Variants in GCKR observed in about 807,000 individuals in gnomAD.
GCKR encodes glucokinase regulator.
GCKR carries 73 observed loss-of-function variants against 82.9 expected under a neutral mutation model. That is an observed-to-expected ratio of 0.88 (90% CI 0.73 to 1.07). The LOEUF (loss-of-function observed/expected upper bound fraction) is 1.07, where lower values mean the gene tolerates loss of function less well. Ranked by LOEUF, GCKR falls within the 50% of genes least tolerant of loss-of-function variation. The pLI, the probability that GCKR is intolerant of heterozygous loss-of-function variation, is 0.00. For synonymous variants in GCKR, 294 were observed against 291.8 expected, an observed-to-expected ratio of 1.01 and a Z score of -0.08; for missense variants, 784 against 782.1, an observed-to-expected ratio of 1.00 and a Z score of -0.03.
At position 27,522,610 on chromosome 2, in the gene GCKR, C is replaced by T. The variant is rs756972723; in HGVS notation, c.1707+16C>T. On this transcript the variant is annotated intron_variant, in intron 18 of 18. Transcript: ENST00000264717. ...GAAGGAACAGGTATCCTGCCCACTG[C>T]TGGTCATTCAACAAATACTTTTTGA... 13 of 1,605,774 alleles carry T rather than the reference C, an allele frequency of 8.1e-6. No individual in the cohort carries two copies. The highest frequency in any genetic ancestry group is 2.2e-5 in the East Asian group (1 of 44,846).
Position 27,508,237 on chromosome 2 carries a change from G to A in GCKR, c.1408G>A (p.Gly470Arg), listed in dbSNP as rs1006259374. ...TWPLLFFEYE[G>R]NFIQKFQREL... ...GCCACTGCTTTTCTTTGAATATGAA[G>A]GGAACTTCATCCAGGTATGGGGAAT... The change falls in exon 16 of 19, where the codon GGG becomes AGG. Residue 470 changes from glycine to arginine, a missense_variant. Gly to Arg is a moderately radical substitution (Grantham distance 125). Coordinates refer to ENST00000264717, the MANE Select transcript of GCKR (RefSeq NM_001486.4). The A allele has an allele frequency of 5.6e-6, 9 of 1,603,662 alleles. No homozygotes were observed. Among genetic ancestry groups the A allele is most frequent in the Middle Eastern group, 3.3e-4 (2 of 6,048 alleles).
In GCKR at chr2:27,511,617, G is replaced by A. The variant is rs186038184; in HGVS notation, c.1422+3366G>A. ...GGGAGGCTGAGGCAGGAGAAGCCGAGGTTGCAGTAAGCTGAGAACGCACCA... is the reference window on the plus strand; with the variant it reads ...GGGAGGCTGAGGCAGGAGAAGCCGAAGTTGCAGTAAGCTGAGAACGCACCA... On this transcript the variant is annotated intron_variant, in intron 16 of 18. Coordinates refer to ENST00000264717, the MANE Select transcript of GCKR (RefSeq NM_001486.4). Among the ~76,000 whole-genome samples, 235 of 151,772 alleles carry A rather than the reference G, an allele frequency of 1.5e-3. 2 individuals carry two copies. In the South Asian group the frequency reaches 0.019, roughly 12 times the overall value.
Position 27,507,217 on chromosome 2 carries a change from T to G in GCKR, c.1067-18T>G. On this transcript the variant is annotated intron_variant, in intron 12 of 18. Transcript: ENST00000264717. Reference sequence around the variant, plus strand: ...ATATAGCCAATCACTCCTCTCTCCTTGTTCTTAAACTTCCCAGATTTCCGA... The same window carrying G: ...ATATAGCCAATCACTCCTCTCTCCTGGTTCTTAAACTTCCCAGATTTCCGA... The G allele has an allele frequency of 6.4e-7, 1 of 1,566,502 alleles. No homozygotes were observed. Among genetic ancestry groups the G allele is most frequent in the Non-Finnish European group, 8.8e-7 (1 of 1,136,594 alleles).
At chr2:27,508,719 G>T (rs1333748602) in intron 16 of GCKR, among the ~76,000 whole-genome samples, 1 of 152,000 alleles carries the variant, frequency 6.6e-6, no homozygotes, top group Non-Finnish European at 1.5e-5. Flanking sequence ...CCTCATGTTG[G>T]CCAGGCTGGT....
In GCKR at chr2:27,518,852, T is replaced by A; in HGVS notation, c.1487T>A (p.Leu496His). The change falls in exon 17 of 19, where the codon CTT becomes CAT. Residue 496 changes from leucine (L) to histidine (H), a missense_variant. Transcript: ENST00000264717. ...LNTVSTGAHV[L>H]LGKILQNHML... Reference sequence around the variant, plus strand: ...ACAGTGAGTACAGGTGCTCATGTGCTTCTTGGTAAGATCCTACAAAACCAC... The same window carrying A: ...ACAGTGAGTACAGGTGCTCATGTGCATCTTGGTAAGATCCTACAAAACCAC... 1.2e-6 allele frequency: 2 copies of A among 1,613,606 alleles called. No individual in the cohort carries two copies. The highest frequency in any genetic ancestry group is 1.7e-6 in the Non-Finnish European group (2 of 1,179,486).
chr2:27,501,910 G>T (rs1392023448), intron 8 of GCKR: 1 of 349,036 alleles, frequency 2.9e-6, no homozygotes, highest in Non-Finnish European at 5.8e-6. Context: ...AGTTCCTTGT[G>T]TAAGAGGTCT....
intron 16 of GCKR, among the ~76,000 whole-genome samples, chr2:27,509,200 T>C (rs1225799562): frequency 1.3e-5 from 2 of 152,162 alleles, no homozygotes; most frequent in African/African-American, 4.8e-5. Context: ...TCTTATTCGT[T>C]ATTCAAACCA....
chr2:27,515,104 A>G (rs1224860279), intron 16 of GCKR, among the ~76,000 whole-genome samples: 2 of 151,998 alleles, frequency 1.3e-5, no homozygotes, highest in African/African-American at 2.4e-5. Context: ...CAGCCTCCCA[A>G]GTAGCTGGGA....
At chr2:27,506,668 A>G in intron 11 of GCKR, 89 bp downstream of exon 11, 1 of 1,115,266 alleles carries the variant, frequency 9.0e-7, no homozygotes, top group Non-Finnish European at 1.4e-6. Context: ...TTAACACGGT[A>G]TGGGCGATAG....
intron 8 of GCKR, among the ~76,000 whole-genome samples, chr2:27,503,021 T>C (rs1174734297): frequency 6.6e-6 from 1 of 152,268 alleles, no homozygotes. Context: ...TGTGAGGTGC[T>C]ACCTTGAAGC....
intron 18 of GCKR, 46 bp from the exon 19 acceptor site, chr2:27,523,223 G>C (rs781584677): frequency 6.4e-7 from 1 of 1,556,200 alleles, no homozygotes; most frequent in Non-Finnish European, 8.8e-7. Flanking sequence ...TTTCTCTGAT[G>C]ACCTCATTCC....
chr2:27,516,059 G>A lies in GCKR; in HGVS notation c.1423-2729G>A, dbSNP rs1181872493. On this transcript the variant is annotated intron_variant, in intron 16 of 18. Transcript: ENST00000264717. ...CCCAAAGAGCTGGGGTTACTGGGGT[G>A]AGCCACCGTGCCTGGCTCCAATATA... Among the ~76,000 whole-genome samples the A allele has an allele frequency of 4.0e-5, 6 of 150,924 alleles. 1 individual carries two copies.
intron 16 of GCKR, among the ~76,000 whole-genome samples, chr2:27,516,624 A>G (rs1009019161): frequency 6.6e-6 from 1 of 152,110 alleles, no homozygotes; most frequent in East Asian, 1.9e-4. Context: ...TTTCCTGGCT[A>G]TATCCAGGCC....
chr2:27,519,064 C>G (rs1190479244), intron 17 of GCKR, 127 bp downstream of exon 17: 4 of 788,082 alleles, frequency 5.1e-6, no homozygotes, highest in South Asian at 1.6e-5. Context: ...TGCTTCTGCT[C>G]CTCCTATTAG....
chr2:27,501,598 T>C, intron 8 of GCKR: 1 of 398,858 alleles, frequency 2.5e-6, no homozygotes, highest in Non-Finnish European at 5.1e-6. Flanking sequence ...CCCAAGCACC[T>C]TTTCAAAGTA....
At chr2:27,522,401 CT>C in intron 17 of GCKR, 58 bp from the exon 18 acceptor site, 1 of 1,583,098 alleles carries the variant, frequency 6.3e-7, no homozygotes, top group Non-Finnish European at 8.7e-7. Flanking sequence ...TCTCCCTTGA[CT>C]CCATTCTTAG....
At chr2:27,512,870 C>A (rs1572870677) in intron 16 of GCKR, among the ~76,000 whole-genome samples, 1 of 152,080 alleles carries the variant, frequency 6.6e-6, no homozygotes, top group African/African-American at 2.4e-5. Context: ...GAAGTAAGTC[C>A]AGGTCAGTTG....
In GCKR at chr2:27,523,383, C is replaced by T. The variant is rs1038590760; in HGVS notation, c.1822C>T (p.Pro608Ser). 6.2e-7 allele frequency: 1 copy of T among 1,612,072 alleles called. No individual in the cohort carries two copies. The change falls in exon 19 of 19, where the codon CCA becomes TCA. Residue 608 changes from proline to serine, a missense_variant. Transcript: ENST00000264717. ...CEAVRSALAG[P>S]GQKRTADPLE... ...GGCTGTCAGGAGTGCTCTTGCTGGG[C>T]CAGGTCAGAAGCGCACTGCGGACCC...
intron 16 of GCKR, chr2:27,509,699 A>T (rs1669834593): frequency 6.4e-6 from 1 of 155,400 alleles, no homozygotes; most frequent in Non-Finnish European, 1.4e-5. Context: ...TTTTTTATAG[A>T]TACATTTTTT....
Sources: allele counts gnomAD v4.1 joint callset (sites outside exome capture counted in the v4.1 genomes callset), GRCh38; gene constraint gnomAD v4.1.1; transcripts MANE v1.5; gene names NCBI Gene and HGNC (gene_info 2026-07-23, HGNC 2026-07-21).